The following SNTB1 variants were observed in gnomAD, a reference collection of about 807,000 sequenced individuals.
SNTB1 encodes the protein syntrophin beta 1.
SNTB1 carries 36 observed loss-of-function variants against 48.9 expected under a neutral mutation model. The ratio of observed to expected loss-of-function variants is 0.74; its 90% CI spans 0.56 to 0.97. The LOEUF is 0.97. SNTB1 is among the 50% of genes least tolerant of loss of function. The pLI is 0.00. For missense variants in SNTB1, 786 were observed against 703.4 expected (o/e 1.12, Z -1.33); for synonymous variants, 299 against 294.6 (o/e 1.01, Z -0.15).
intron 5 of SNTB1, among the ~76,000 whole-genome samples, chr8:120,544,746 A>C (rs1402705197): frequency 6.7e-6 from 1 of 148,986 alleles, no homozygotes. Context: ...TATTAAACTT[A>C]GTATTCAGGT....
At chr8:120,765,314 G>A (rs1432223821) in intron 1 of SNTB1, among the ~76,000 whole-genome samples, 4 of 152,206 alleles carry the variant, frequency 2.6e-5, no homozygotes, top group Non-Finnish European at 5.9e-5. Flanking sequence ...TAAGAGATAA[G>A]TAGAATTTGT....
intron 1 of SNTB1, among the ~76,000 whole-genome samples, chr8:120,800,676 C>A (rs1459457038): frequency 6.6e-6 from 1 of 151,848 alleles, no homozygotes; most frequent in East Asian, 1.9e-4. Flanking sequence ...AAAATCACTG[C>A]TGGAAATTTA....
intron 3 of SNTB1, among the ~76,000 whole-genome samples, chr8:120,605,375 G>T (rs118121052): frequency 2.2e-3 from 332 of 152,330 alleles, no homozygotes; most frequent in Non-Finnish European, 4.0e-3. Context: ...CTCTCCAGAA[G>T]TAGCTACAAG....
chr8:120,743,419 C>T (rs1422388886), intron 1 of SNTB1, among the ~76,000 whole-genome samples: 4 of 152,152 alleles, frequency 2.6e-5, no homozygotes, highest in Admixed American at 2.6e-4. Flanking sequence ...GCCAGCATTA[C>T]TCATGTTAAC....
chr8:120,771,195 A>G (rs1454653222), intron 1 of SNTB1, among the ~76,000 whole-genome samples: 2 of 152,212 alleles, frequency 1.3e-5, no homozygotes, highest in Non-Finnish European at 2.9e-5. Flanking sequence ...GGAGGTGAAC[A>G]AGGTTTTGGG....
rs141243312 is a variant in SNTB1, at chr8:120,544,748, T to C, written c.1334-2748A>G. Reference sequence around the variant, plus strand: ...ACACATGTAACCTTATTAAACTTAGTATTCAGGTGGCTCAAGCTTCTTCCA... The same window carrying C: ...ACACATGTAACCTTATTAAACTTAGCATTCAGGTGGCTCAAGCTTCTTCCA... On this transcript the variant is annotated intron_variant, in intron 5 of 6. Transcript: ENST00000517992. Among the ~76,000 whole-genome samples, 805 of 151,814 alleles carry C rather than the reference T, an allele frequency of 5.3e-3. 5 individuals are homozygous for C. The highest frequency in any genetic ancestry group is 0.019 in the African/African-American group (775 of 41,374).
chr8:120,738,271 A>G (rs1818982077), intron 1 of SNTB1, among the ~76,000 whole-genome samples: 1 of 152,174 alleles, frequency 6.6e-6, no homozygotes, highest in Non-Finnish European at 1.5e-5. Flanking sequence ...TAAGCTACAC[A>G]GTTTATGATA....
At chr8:120,603,837 A>G (rs908699631) in intron 3 of SNTB1, among the ~76,000 whole-genome samples, 2 of 152,162 alleles carry the variant, frequency 1.3e-5, no homozygotes, top group African/African-American at 4.8e-5. Context: ...TCTTGGGAGG[A>G]ATAAAGCTCT....
At chr8:120,611,658 TAAAAATAG>T (rs1816625235) in intron 3 of SNTB1, among the ~76,000 whole-genome samples, 1 of 151,498 alleles carries the variant, frequency 6.6e-6, no homozygotes, top group Non-Finnish European at 1.5e-5. Flanking sequence ...CCATTACTAC[TAAAAATAG>T]AAAAAATTAG....
At position 120,690,915 on chromosome 8, in the gene SNTB1, C is replaced by T. The variant is rs529566132; in HGVS notation, c.788+2777G>A. ...GACCTGTCTGGACCTGAAGTCCCTT[C>T]GGAACCATCTGGCTTAGCTGGATTC... On this transcript the variant is annotated intron_variant, in intron 2 of 6. Transcript: ENST00000517992. Among the ~76,000 whole-genome samples, 8 of 152,326 alleles carry T rather than the reference C, an allele frequency of 5.3e-5. No homozygotes were observed. In the East Asian group the frequency reaches 9.6e-4, roughly 18 times the overall value.
intron 2 of SNTB1, among the ~76,000 whole-genome samples, chr8:120,690,561 T>A (rs1818108060): frequency 6.6e-6 from 1 of 152,218 alleles, no homozygotes; most frequent in African/African-American, 2.4e-5. Flanking sequence ...ACATTTTACC[T>A]TGGACATTTT....
At chr8:120,631,190 G>C (rs1816973174) in intron 3 of SNTB1, among the ~76,000 whole-genome samples, 1 of 152,190 alleles carries the variant, frequency 6.6e-6, no homozygotes, top group Admixed American at 6.5e-5. Flanking sequence ...TGATAGAGAC[G>C]TGACTTTCAA....
intron 1 of SNTB1, among the ~76,000 whole-genome samples, chr8:120,745,949 G>A (rs1819118639): frequency 6.6e-6 from 1 of 152,126 alleles, no homozygotes; most frequent in Non-Finnish European, 1.5e-5. Flanking sequence ...ATGCCCAAGG[G>A]TCTATCCCAG....
Position 120,654,032 on chromosome 8 carries a change from T to C in SNTB1, c.789-21381A>G, listed in dbSNP as rs1162062808. Among the ~76,000 whole-genome samples, 5 of 43,262 alleles carry C rather than the reference T, an allele frequency of 1.2e-4. 1 individual carries two copies. Among genetic ancestry groups the C allele is most frequent in the African/African-American group, 3.6e-4 (5 of 13,992 alleles). 28.4% of individuals were successfully genotyped at this position (43,262 alleles called of 152,430 possible). On this transcript the variant is annotated intron_variant, in intron 2 of 6. Transcript: ENST00000517992. ...TCCAGCCTGGGAGACAGAGCGAGAC[T>C]CTGCCTCAAAAAAAAAAAAAAAAAA...
intron 1 of SNTB1, among the ~76,000 whole-genome samples, chr8:120,787,573 T>A (rs557771449): frequency 1.3e-5 from 2 of 152,122 alleles, no homozygotes; most frequent in Non-Finnish European, 2.9e-5. Flanking sequence ...AAGACATATT[T>A]AGGTAACTAT....
intron 1 of SNTB1, among the ~76,000 whole-genome samples, chr8:120,694,289 G>A (rs1213326200): frequency 1.3e-5 from 2 of 152,104 alleles, no homozygotes; most frequent in Non-Finnish European, 2.9e-5. Context: ...TAAGGAATAT[G>A]GCAGCCACAT....
chr8:120,547,737 C>A (rs756601018), intron 5 of SNTB1, among the ~76,000 whole-genome samples: 5 of 152,102 alleles, frequency 3.3e-5, no homozygotes, highest in Non-Finnish European at 7.4e-5. Flanking sequence ...TTTCTACCAC[C>A]GACTTGCCCT....
At chr8:120,612,365 G>A (rs984179071) in intron 3 of SNTB1, among the ~76,000 whole-genome samples, 2 of 152,192 alleles carry the variant, frequency 1.3e-5, no homozygotes, top group Non-Finnish European at 2.9e-5. Flanking sequence ...CACAAGGCTA[G>A]TAAGTCATAG....
At chr8:120,701,804 G>C (rs1198334722) in intron 1 of SNTB1, among the ~76,000 whole-genome samples, 2 of 152,250 alleles carry the variant, frequency 1.3e-5, no homozygotes, top group African/African-American at 4.8e-5. Flanking sequence ...TTCTGAAGAA[G>C]TCATAGGACG....
Sources: allele counts gnomAD v4.1 joint callset (sites outside exome capture counted in the v4.1 genomes callset), GRCh38; gene constraint gnomAD v4.1.1; transcripts MANE v1.5; gene names NCBI Gene and HGNC (gene_info 2026-07-23, HGNC 2026-07-21).